Variants in PCDHA5 observed in about 807,000 individuals in gnomAD.
The protein encoded by PCDHA5 is protocadherin alpha 5, also known as protocadherin alpha-5.
Under a neutral mutation model 61.6 loss-of-function variants are expected in PCDHA5, and 43 were observed. The observed-to-expected ratio is 0.70, with a 90% CI of 0.55 to 0.90. The LOEUF (loss-of-function observed/expected upper bound fraction) is 0.90. PCDHA5 is among the 40% of genes least tolerant of loss of function. PCDHA5 has a pLI of 0.00. For missense variants in PCDHA5, 1,298 were observed against 1,222.7 expected (o/e 1.06, Z -0.92); for synonymous variants, 627 against 543.9 (o/e 1.15, Z -2.13).
At position 141,011,086 on chromosome 5, in the gene PCDHA5, C is replaced by T. The variant is rs1181884726; in HGVS notation, c.*1149C>T. The T allele has an allele frequency of 2.6e-5, 4 of 153,678 alleles. No homozygotes were observed. Among genetic ancestry groups the T allele is most frequent in the African/African-American group, 9.7e-5 (4 of 41,430 alleles). The allele number at this position is 153,678 out of a possible 1,614,324, so 9.5% of individuals were successfully genotyped here. On this transcript the variant is annotated 3_prime_UTR_variant, in exon 4 of 4. Coordinates refer to ENST00000529859, the MANE Select transcript of PCDHA5 (RefSeq NM_018908.3). ...TGTATTACTAAATAAAATGATCTCT[C>T]TTTCTCTCTCTCTCTCTCTTTTCTA...
At chr5:140,988,482 C>T (rs1017365611) in intron 3 of PCDHA5, among the ~76,000 whole-genome samples, 1 of 152,152 alleles carries the variant, frequency 6.6e-6, no homozygotes, top group Non-Finnish European at 1.5e-5. Flanking sequence ...GAATTAGCAT[C>T]CCCTACCTAG....
intron 1 of PCDHA5, chr5:140,869,884 G>C: frequency 1.9e-6 from 3 of 1,610,396 alleles, no homozygotes; most frequent in Non-Finnish European, 2.5e-6. Context: ...AGAAACTCTT[G>C]TGCTCAAACT....
At position 140,916,547 on chromosome 5, in the gene PCDHA5, T is replaced by A. The variant is rs541671578; in HGVS notation, c.2353-62402T>A. On this transcript the variant is annotated intron_variant, in intron 1 of 3. Transcript: ENST00000529859. ...TCCTTCCCACCAAGGCAATGGGTTT[T>A]CTATTTGTCCAGGGTGTGTCTAGAA... Among the ~76,000 whole-genome samples the A allele has an allele frequency of 2.0e-4, 31 of 152,324 alleles. 1 individual carries two copies. Among genetic ancestry groups the A allele is most frequent in the Non-Finnish European group, 3.4e-4 (23 of 68,020 alleles).
intron 1 of PCDHA5, chr5:140,928,465 G>A: frequency 6.2e-7 from 1 of 1,614,168 alleles, no homozygotes; most frequent in Non-Finnish European, 8.5e-7. Context: ...TCATTTCCAA[G>A]TAGAAGGCCG....
chr5:140,836,217 CA>C, intron 1 of PCDHA5: 1 of 1,613,820 alleles, frequency 6.2e-7, no homozygotes, highest in Non-Finnish European at 8.5e-7. Context: ...GTATGAGTTG[CA>C]ACCGGTGGCG....
intron 3 of PCDHA5, among the ~76,000 whole-genome samples, chr5:141,000,361 G>GTCTCTC (rs148596731): frequency 3.0e-3 from 79 of 26,442 alleles, no homozygotes; most frequent in East Asian, 6.3e-3. Flanking sequence ...GTCTCTCTCT[G>GTCTCTC]TCTCTCTCTC....
At chr5:140,902,560 G>A (rs558432897) in intron 1 of PCDHA5, among the ~76,000 whole-genome samples, 1 of 151,954 alleles carries the variant, frequency 6.6e-6, no homozygotes, top group African/African-American at 2.4e-5. Flanking sequence ...CCAGATTTTT[G>A]AGGGTTTTTA....
chr5:140,988,558 T>C lies in PCDHA5; in HGVS notation c.2500+5995T>C, dbSNP rs982984587. ...CCATTCATGACTTTCTTCATCTTCT[T>C]CTTGGGAAAACACTCTGTACCTTCC... On this transcript the variant is annotated intron_variant, in intron 3 of 3. Transcript: ENST00000529859. 3.9e-5 allele frequency among the ~76,000 whole-genome samples: 6 copies of C among 152,198 alleles called. 1 individual carries two copies. Among genetic ancestry groups the C allele is most frequent in the Admixed American group, 3.9e-4 (6 of 15,276 alleles).
At position 140,822,349 on chromosome 5, in the gene PCDHA5, G is replaced by A. The variant is rs2150115734; in HGVS notation, c.574G>A (p.Glu192Lys). ...KTNEEETNFL[E>K]LVLRKSLDRE... ...AAATGAAGAAGAAACGAACTTTTTA[G>A]AGCTGGTTTTGAGGAAATCCTTAGA... The change falls in exon 1 of 4, where the codon GAG becomes AAG. Residue 192 changes from glutamate (E) to lysine (K), a missense_variant. Physicochemically the swap from Glu to Lys is moderately conservative, Grantham distance 56. Transcript: ENST00000529859. 3 of 1,614,156 alleles carry A rather than the reference G, an allele frequency of 1.9e-6. No homozygotes were observed. Among genetic ancestry groups the A allele is most frequent in the Admixed American group, 3.3e-5 (2 of 60,034 alleles).
rs2150129709 is a variant in PCDHA5, at chr5:140,823,847, C to T, written c.2072C>T (p.Ala691Val). 852,665 of 1,613,520 alleles carry T rather than the reference C, an allele frequency of 0.53. 225,878 individuals carry two copies. Among genetic ancestry groups the T allele is most frequent in the Middle Eastern group, 0.58 (3,520 of 6,040 alleles). ...ASAGAVGPEA[A>V]LVDVNVYLII... is the part of the protein sequence containing the mutation. ...GCGGGCGCTGTGGGTCCCGAGGCTG[C>T]CCTGGTGGATGTCAACGTGTACCTG... The change falls in exon 1 of 4, where the codon GCC becomes GTC. Residue 691 changes from alanine (A) to valine (V), a missense_variant. Coordinates refer to ENST00000529859, the MANE Select transcript of PCDHA5 (RefSeq NM_018908.3).
chr5:140,842,399 C>A, intron 1 of PCDHA5: 1 of 1,611,446 alleles, frequency 6.2e-7, no homozygotes, highest in Non-Finnish European at 8.5e-7. Flanking sequence ...CTTGCCTGTA[C>A]GTGAAGACGC....
intron 1 of PCDHA5, among the ~76,000 whole-genome samples, chr5:140,944,592 C>T (rs1225606041): frequency 2.6e-5 from 4 of 152,086 alleles, no homozygotes; most frequent in Non-Finnish European, 4.4e-5. Flanking sequence ...CAGAATTTCC[C>T]TGGGTAGAGT....
At chr5:140,834,311 T>C in intron 1 of PCDHA5, 2 of 1,357,576 alleles carry the variant, frequency 1.5e-6, no homozygotes, top group Non-Finnish European at 2.0e-6. Context: ...GAGATTGAAA[T>C]GAAGGGATAA....
At chr5:140,883,952 G>C (rs782014250) in intron 1 of PCDHA5, 17 of 1,613,030 alleles carry the variant, frequency 1.1e-5, no homozygotes, top group Non-Finnish European at 1.4e-5. Context: ...GAACGACAAC[G>C]CTCCGGCGCT....
At position 140,924,901 on chromosome 5, in the gene PCDHA5, A is replaced by AAAAT. The variant is rs1554202314; in HGVS notation, c.2353-54045_2353-54044insTAAA. ...CAGAGCAAGAACCTGTCTCAAAAAA[A>AAAAT]AAAATAAAATAAAATAAAATAAAAT... On this transcript the variant is annotated intron_variant, in intron 1 of 3. Coordinates refer to ENST00000529859, the MANE Select transcript of PCDHA5 (RefSeq NM_018908.3). 7.3e-4 allele frequency among the ~76,000 whole-genome samples: 59 copies of AAAAT among 80,496 alleles called. 1 individual carries two copies. The highest frequency in any genetic ancestry group is 6.1e-3 in the Middle Eastern group (1 of 164). The allele number at this position is 80,496 out of a possible 152,430, so 52.8% of individuals were successfully genotyped here. A position where few individuals can be genotyped will look rare whatever the true frequency, so the allele number is the denominator to read the frequency against.
intron 1 of PCDHA5, chr5:140,871,048 C>G (rs1472650820): frequency 6.2e-7 from 1 of 1,613,230 alleles, no homozygotes; most frequent in Non-Finnish European, 8.5e-7. Flanking sequence ...ACTTCTAGTA[C>G]TGGTGAAGGA....
At position 140,943,494 on chromosome 5, in the gene PCDHA5, A is replaced by G. The variant is rs1046059269; in HGVS notation, c.2353-35455A>G. ...TACAGTAAAATAATAAATAGATGCT[A>G]TCAAGGTTCATGGAAATGTTGAGTT... is the stretch of plus-strand genomic sequence containing the variant. On this transcript the variant is annotated intron_variant, in intron 1 of 3. Transcript: ENST00000529859. Among the ~76,000 whole-genome samples, 4 of 152,132 alleles carry G rather than the reference A, an allele frequency of 2.6e-5. No homozygotes were observed. The East Asian group carries it at 5.8e-4, about 22-fold the overall frequency.
chr5:140,991,503 T>C (rs975448423), intron 3 of PCDHA5, among the ~76,000 whole-genome samples: 6 of 152,246 alleles, frequency 3.9e-5, no homozygotes, highest in Non-Finnish European at 7.3e-5. Context: ...TGAGTTTCAC[T>C]GGCTAAAATC....
chr5:140,822,315 T>C lies in PCDHA5; in HGVS notation c.540T>C (p.Asp180=), dbSNP rs145095373. ...ATCCAAACGAATATTTTGACTTAGA[T>C]GTTAAAACAAATGAAGAAGAAACGA... ...RLNPNEYFDL[D]VKTNEEETNF... The change falls in exon 1 of 4, where the codon GAT becomes GAC. Residue 180 remains aspartate (D), a synonymous_variant. Coordinates refer to ENST00000529859, the MANE Select transcript of PCDHA5 (RefSeq NM_018908.3). 1.0e-4 allele frequency: 164 copies of C among 1,614,198 alleles called. No homozygotes were observed. The African/African-American group carries it at 2.0e-3, about 20-fold the overall frequency.
Sources: gnomAD v4.1 joint callset for allele counts (sites outside exome capture counted in the v4.1 genomes callset) on GRCh38, gnomAD v4.1.1 for gene constraint, MANE v1.5 for transcripts, NCBI Gene and HGNC (gene_info 2026-07-23, HGNC 2026-07-21) for gene names.